CORO2B: variants seen among roughly 807,000 people sequenced by gnomAD.
CORO2B encodes the protein coronin-2B.
Under a neutral mutation model 58.8 loss-of-function variants are expected in CORO2B, and 26 were observed. The ratio of observed to expected loss-of-function variants is 0.44; its 90% CI spans 0.32 to 0.61. CORO2B has a LOEUF of 0.61. CORO2B is among the 20% of genes least tolerant of loss of function. The pLI is 0.04. For synonymous variants in CORO2B, 242 were observed against 253.8 expected, an observed-to-expected ratio of 0.95 and a Z score of 0.44; for missense variants, 460 against 645.1, an observed-to-expected ratio of 0.71 and a Z score of 3.11.
chr15:68,572,830 T>C, the CORO2B span, among the ~76,000 whole-genome samples: 54 of 152,208 alleles, frequency 3.5e-4, no homozygotes, highest in Non-Finnish European at 6.6e-4. Context: ...GCTGGCTCTA[T>C]ACAAGGGACT....
Position 68,714,058 on chromosome 15 carries a change from C to T in CORO2B, c.765+17C>T, listed in dbSNP as rs769222104. ...TGGGACCAGGTCAGCCACGGGGAGG[C>T]CTGCTGGGTTTGGGCTAAAGGAAGC... is the stretch of plus-strand genomic sequence containing the variant. On this transcript the variant is annotated intron_variant, in intron 6 of 11. Coordinates refer to ENST00000261861, the MANE Select transcript of CORO2B (RefSeq NM_006091.5). 5.1e-6 allele frequency: 8 copies of T among 1,567,200 alleles called. No individual in the cohort carries two copies. The highest frequency in any genetic ancestry group is 1.1e-5 in the South Asian group (1 of 89,980).
At chr15:68,692,657 A>C (rs1308898653) in intron 2 of CORO2B, among the ~76,000 whole-genome samples, 6 of 147,340 alleles carry the variant, frequency 4.1e-5, no homozygotes, top group Admixed American at 4.1e-4. Context: ...TTTTGAAGAC[A>C]GAGTCTCACT....
chr15:68,632,145 ATGG>A lies in CORO2B; in HGVS notation c.16-13012_16-13010del, dbSNP rs1231372978. ...TGACTGCTGCAGCGGGGTCTCTGGG[ATGG>A]TGATGTGAGTGCCTCCTGCACCCGT... On this transcript the variant is annotated intron_variant, in intron 1 of 11. Transcript: ENST00000261861. 1.0e-5 allele frequency: 10 copies of A among 985,558 alleles called. No individual in the cohort carries two copies. In the African/African-American group the frequency reaches 1.7e-4, roughly 17 times the overall value. 61.1% of individuals were successfully genotyped at this position (985,558 alleles called of 1,614,324 possible). A position where few individuals can be genotyped will look rare whatever the true frequency, so the allele number is the denominator to read the frequency against.
At chr15:68,615,408 G>A (rs1900331113) in intron 1 of CORO2B, among the ~76,000 whole-genome samples, 1 of 152,156 alleles carries the variant, frequency 6.6e-6, no homozygotes, top group Non-Finnish European at 1.5e-5. Flanking sequence ...ATCACACAGT[G>A]GATGTTTGTG....
intron 8 of CORO2B, among the ~76,000 whole-genome samples, chr15:68,717,656 C>T (rs1893063803): frequency 6.8e-6 from 1 of 146,304 alleles, no homozygotes; most frequent in African/African-American, 2.5e-5. Context: ...AGTTAAGCAA[C>T]TCACCTGAGG....
chr15:68,597,484 G>C (rs972331747), intron 1 of CORO2B, among the ~76,000 whole-genome samples: 3 of 151,966 alleles, frequency 2.0e-5, no homozygotes, highest in African/African-American at 4.8e-5. Flanking sequence ...CATGCCCCAG[G>C]TCACACAACG....
In CORO2B at chr15:68,630,289, G is replaced by A. The variant is rs190832648; in HGVS notation, c.16-14871G>A. Among the ~76,000 whole-genome samples the A allele has an allele frequency of 3.6e-3, 553 of 152,254 alleles. 1 individual carries two copies. The highest frequency in any genetic ancestry group is 5.4e-3 in the Non-Finnish European group (368 of 68,022). On this transcript the variant is annotated intron_variant, in intron 1 of 11. Transcript: ENST00000261861. ...GCATGAACTTGACTATCGCTCCCTC[G>A]ACCCAAGTGGTCATTGTTATCATCC...
intron 2 of CORO2B, among the ~76,000 whole-genome samples, chr15:68,660,320 G>A (rs559434092): frequency 1.3e-5 from 2 of 152,294 alleles, no homozygotes; most frequent in South Asian, 2.1e-4. Flanking sequence ...CCATCAAGTT[G>A]TCTTCTGTTC....
the CORO2B span, among the ~76,000 whole-genome samples, chr15:68,570,690 T>C: frequency 6.6e-6 from 1 of 151,930 alleles, no homozygotes. Context: ...CTGAGGGGAA[T>C]AGTCAGTGTA....
chr15:68,662,668 G>A (rs779681073), intron 2 of CORO2B, among the ~76,000 whole-genome samples: 4 of 152,220 alleles, frequency 2.6e-5, no homozygotes, highest in Non-Finnish European at 5.9e-5. Context: ...TCCTGCAATA[G>A]CAACAAGAGC....
chr15:68,611,328 A>T (rs1477746504), intron 1 of CORO2B, among the ~76,000 whole-genome samples: 1 of 152,184 alleles, frequency 6.6e-6, no homozygotes, highest in Non-Finnish European at 1.5e-5. Flanking sequence ...GAAATTTTGA[A>T]ATCATACTTT....
At chr15:68,564,302 G>A in the CORO2B span, among the ~76,000 whole-genome samples, 1 of 151,446 alleles carries the variant, frequency 6.6e-6, no homozygotes, top group Non-Finnish European at 1.5e-5. Context: ...TCATAGCAGT[G>A]AAATCTTTTT....
At chr15:68,646,173 A>C (rs1444465767) in intron 2 of CORO2B, among the ~76,000 whole-genome samples, 1 of 152,056 alleles carries the variant, frequency 6.6e-6, no homozygotes, top group Non-Finnish European at 1.5e-5. Flanking sequence ...CCCTTTCTGC[A>C]GCTGCTTACG....
At chr15:68,638,754 G>A (rs1901115195) in intron 1 of CORO2B, among the ~76,000 whole-genome samples, 1 of 152,214 alleles carries the variant, frequency 6.6e-6, no homozygotes, top group East Asian at 1.9e-4. Flanking sequence ...TCCTCCATGA[G>A]CCACACAGAC....
rs949609920 is a variant in CORO2B at position 68,715,068 on chromosome 15, C to G, written c.871-147C>G. 3 of 743,352 alleles carry G rather than the reference C, an allele frequency of 4.0e-6. No homozygotes were observed. The African/African-American group carries it at 5.3e-5, about 13-fold the overall frequency. 46.0% of individuals were successfully genotyped at this position (743,352 alleles called of 1,614,324 possible). A position where few individuals can be genotyped will look rare whatever the true frequency, so the allele number is the denominator to read the frequency against. The stretch of plus-strand genomic sequence containing the variant: ...CAGTGAGTCCCCTGTGGTGCACCCA[C>G]TAGGAGCCTAGAAGCCAGGTTTCCT... On this transcript the variant is annotated intron_variant, in intron 7 of 11. Coordinates refer to ENST00000261861, the MANE Select transcript of CORO2B (RefSeq NM_006091.5).
At chr15:68,602,407 T>TCTCACA (rs1490231961) in intron 1 of CORO2B, among the ~76,000 whole-genome samples, 153 of 139,052 alleles carry the variant, frequency 1.1e-3, no homozygotes, top group African/African-American at 3.8e-3. Context: ...TAGGGGCTGA[T>TCTCACA]CACACACACA....
intron 2 of CORO2B, among the ~76,000 whole-genome samples, chr15:68,646,763 C>T (rs1901444203): frequency 1.3e-5 from 2 of 152,202 alleles, no homozygotes; most frequent in African/African-American, 2.4e-5. Flanking sequence ...TGTGAAGCTC[C>T]TAGTGAACCA....
chr15:68,639,693 G>T (rs1190995388), intron 1 of CORO2B, among the ~76,000 whole-genome samples: 2 of 152,208 alleles, frequency 1.3e-5, no homozygotes, highest in Non-Finnish European at 2.9e-5. Context: ...CCCCCCCAGG[G>T]ATGGGAAGCT....
At chr15:68,560,635 G>A in the CORO2B span, among the ~76,000 whole-genome samples, 4 of 152,114 alleles carry the variant, frequency 2.6e-5, no homozygotes, top group Admixed American at 2.6e-4. Flanking sequence ...CCAGCAGCCG[G>A]CAGTGTGCAG....
Sources: allele counts gnomAD v4.1 joint callset (sites outside exome capture counted in the v4.1 genomes callset), GRCh38; gene constraint gnomAD v4.1.1; transcripts MANE v1.5; gene names NCBI Gene and HGNC (gene_info 2026-07-23, HGNC 2026-07-21).